The following DTL variants were observed in gnomAD, a reference collection of about 807,000 sequenced individuals.
DTL encodes denticleless E3 ubiquitin protein ligase adapter.
A neutral mutation model predicts 87.0 loss-of-function variants in DTL; 46 were observed. That is an observed-to-expected ratio of 0.53 (90% CI 0.42 to 0.68). The LOEUF (loss-of-function observed/expected upper bound fraction) is 0.68. DTL is among the 30% of genes least tolerant of loss of function. The pLI is 0.00. For missense variants in DTL, 737 were observed against 869.4 expected (o/e 0.85, Z 1.91); for synonymous variants, 308 against 311.2 (o/e 0.99, Z 0.11).
At chr1:212,092,917 AC>A (rs573014888) in intron 13 of DTL, among the ~76,000 whole-genome samples, 73 of 151,994 alleles carry the variant, frequency 4.8e-4, no homozygotes, top group African/African-American at 1.6e-3. Flanking sequence ...CACCACATCC[AC>A]CCCAATGATG....
At chr1:212,040,309 T>C (rs140104119) in intron 1 of DTL, among the ~76,000 whole-genome samples, 244 of 152,372 alleles carry the variant, frequency 1.6e-3, no homozygotes, top group African/African-American at 5.0e-3. Context: ...AAAATGCCAT[T>C]ACATGGCATA....
At chr1:212,092,397 G>A (rs933495402) in intron 13 of DTL, among the ~76,000 whole-genome samples, 1 of 152,124 alleles carries the variant, frequency 6.6e-6, no homozygotes, top group Non-Finnish European at 1.5e-5. Context: ...AGGTGTGGTG[G>A]TGCATGCCTG....
chr1:212,054,787 C>T (rs1413089408), intron 5 of DTL, among the ~76,000 whole-genome samples: 2 of 124,550 alleles, frequency 1.6e-5, no homozygotes, highest in Non-Finnish European at 3.4e-5. Flanking sequence ...AACGAGACAC[C>T]ACCTCAAAAA....
At chr1:212,058,623 T>G (rs1157007200) in intron 5 of DTL, among the ~76,000 whole-genome samples, 1 of 151,816 alleles carries the variant, frequency 6.6e-6, no homozygotes, top group Non-Finnish European at 1.5e-5. Flanking sequence ...AATCTAACAA[T>G]GTACCTCAAG....
At chr1:212,068,572 G>A (rs771520378) in intron 9 of DTL, 27 bp from the exon 10 acceptor site, 54 of 1,419,720 alleles carry the variant, frequency 3.8e-5, no homozygotes, top group African/African-American at 8.5e-5. Context: ...TCATCAGGAC[G>A]TGCTAACTTA....
In DTL at chr1:212,100,297, C is replaced by T. The variant is rs3135474; in HGVS notation, c.1307C>T (p.Ala436Val). The change falls in exon 14 of 15, where the codon GCA becomes GTA. Residue 436 changes from alanine (A) to valine (V), a missense_variant. By Grantham distance (64) the Ala-to-Val change is moderately conservative. Coordinates refer to ENST00000366991, the MANE Select transcript of DTL (RefSeq NM_016448.4). ...SQSTPAKAPR[A>V]KCNPSNSSPS... ...AGTACTCCTGCCAAAGCCCCCAGGGCAAAGTGCAATCCATCCAATTCTTCC... is the reference window on the plus strand; with the variant it reads ...AGTACTCCTGCCAAAGCCCCCAGGGTAAAGTGCAATCCATCCAATTCTTCC... The T allele has an allele frequency of 0.96, 1,544,317 of 1,603,374 alleles. 743,962 individuals are homozygous for T. The highest frequency in any genetic ancestry group is 1 in the East Asian group (44,811 of 44,818).
chr1:212,049,336 A>G (rs1667895638), intron 5 of DTL, among the ~76,000 whole-genome samples: 6 of 152,178 alleles, frequency 3.9e-5, no homozygotes, highest in Admixed American at 2.0e-4. Context: ...CTTTATTAAC[A>G]TATTTAAGTA....
At chr1:212,052,117 T>C in intron 5 of DTL, 1 of 690,456 alleles carries the variant, frequency 1.4e-6, no homozygotes, top group Non-Finnish European at 2.6e-6. Flanking sequence ...CACTATCATC[T>C]CTGCTTTCAT....
At chr1:212,073,935 TTTC>T (rs1014117847) in intron 11 of DTL, among the ~76,000 whole-genome samples, 15 of 152,054 alleles carry the variant, frequency 9.9e-5, no homozygotes, top group Admixed American at 6.5e-5. Context: ...ACCTTTTTCC[TTTC>T]TTCTTTGCTC....
intron 11 of DTL, among the ~76,000 whole-genome samples, chr1:212,074,058 A>AT (rs1320708437): frequency 4.0e-5 from 6 of 151,148 alleles, no homozygotes; most frequent in Non-Finnish European, 7.4e-5. Flanking sequence ...TAAAAAAAAA[A>AT]TTTTTTTTTC....
intron 10 of DTL, among the ~76,000 whole-genome samples, chr1:212,070,486 C>T (rs912326841): frequency 1.3e-5 from 2 of 151,964 alleles, no homozygotes; most frequent in African/African-American, 2.4e-5. Flanking sequence ...TGGCATGCAC[C>T]TGTAGTCCTG....
intron 13 of DTL, among the ~76,000 whole-genome samples, chr1:212,094,640 C>G (rs914201853): frequency 1.3e-5 from 2 of 152,028 alleles, no homozygotes; most frequent in African/African-American, 4.8e-5. Context: ...CTGTGAAGAA[C>G]GATGATGGTA....
chr1:212,074,253 G>T (rs1654765261), intron 11 of DTL, among the ~76,000 whole-genome samples: 1 of 150,884 alleles, frequency 6.6e-6, no homozygotes, highest in East Asian at 1.9e-4. Flanking sequence ...ATAATTATGT[G>T]TATAATTATA....
At chr1:212,041,745 C>T (rs141025669) in intron 1 of DTL, among the ~76,000 whole-genome samples, 3,065 of 152,180 alleles carry the variant, frequency 0.02, 32 homozygotes, top group African/African-American at 0.026. Context: ...CTCCTGACCT[C>T]GTGGTCCGCC....
intron 14 of DTL, among the ~76,000 whole-genome samples, chr1:212,102,249 A>G (rs1372276507): frequency 6.6e-6 from 1 of 152,204 alleles, no homozygotes; most frequent in African/African-American, 2.4e-5. Context: ...TTCTCTCAAA[A>G]TTATGACTGC....
chr1:212,086,587 G>A (rs1023063127), intron 13 of DTL, among the ~76,000 whole-genome samples: 2 of 109,732 alleles, frequency 1.8e-5, no homozygotes, highest in African/African-American at 7.3e-5. Flanking sequence ...ATGGGGTTTC[G>A]CCATGTTGCC....
At chr1:212,044,620 TG>T in intron 2 of DTL, 39 bp from the exon 3 acceptor site, 1 of 1,251,286 alleles carries the variant, frequency 8.0e-7, no homozygotes, top group Non-Finnish European at 1.1e-6. Context: ...AAAAAAAAAT[TG>T]TGTTACTCTA....
chr1:212,098,829 G>T (rs1413234797), intron 13 of DTL, among the ~76,000 whole-genome samples: 1 of 151,554 alleles, frequency 6.6e-6, no homozygotes, highest in East Asian at 1.9e-4. Context: ...AAAACTCCCC[G>T]CCGAGAAAGC....
intron 8 of DTL, among the ~76,000 whole-genome samples, chr1:212,067,546 C>T (rs1035989520): frequency 2.6e-5 from 4 of 152,142 alleles, no homozygotes; most frequent in Non-Finnish European, 5.9e-5. Context: ...AAGATGATGG[C>T]TTACCAAACT....
Sources: allele counts gnomAD v4.1 joint callset (sites outside exome capture counted in the v4.1 genomes callset), GRCh38; gene constraint gnomAD v4.1.1; transcripts MANE v1.5; gene names NCBI Gene and HGNC (gene_info 2026-07-23, HGNC 2026-07-21).